Variants in PARN observed in about 807,000 individuals in gnomAD.
PARN encodes the protein poly(A)-specific ribonuclease PARN.
A neutral mutation model predicts 102.8 loss-of-function variants in PARN; 71 were observed. That is an observed-to-expected ratio of 0.69 (90% CI 0.57 to 0.84). The LOEUF is 0.84. Ranked by LOEUF, PARN falls within the 40% of genes least tolerant of loss-of-function variation. The pLI, the probability that PARN is intolerant of heterozygous loss-of-function variation, is 0.00. For missense variants in PARN, 782 were observed against 760.9 expected (o/e 1.03, Z -0.33); for synonymous variants, 261 against 252.9 (o/e 1.03, Z -0.30).
At chr16:14,591,700 T>A in intron 13 of PARN, among the ~76,000 whole-genome samples, 1 of 152,080 alleles carries the variant, frequency 6.6e-6, no homozygotes, top group East Asian at 1.9e-4. Context: ...CTGCCTGGAA[T>A]TTGCTAAACT....
At chr16:14,453,074 A>G (rs573848914) in intron 22 of PARN, among the ~76,000 whole-genome samples, 2 of 152,346 alleles carry the variant, frequency 1.3e-5, no homozygotes, top group African/African-American at 4.8e-5. Context: ...AGGCAAAACA[A>G]TCTCCCATTT....
intron 13 of PARN, among the ~76,000 whole-genome samples, chr16:14,589,137 A>G (rs1218044389): frequency 6.6e-6 from 1 of 151,752 alleles, no homozygotes; most frequent in Non-Finnish European, 1.5e-5. Flanking sequence ...TCAAGATCGC[A>G]CCACTGCACT....
chr16:14,536,612 T>C (rs1019079871), intron 21 of PARN, among the ~76,000 whole-genome samples: 5 of 152,190 alleles, frequency 3.3e-5, no homozygotes, highest in African/African-American at 1.2e-4. Context: ...ATATACACAA[T>C]TGAAAGGTAA....
At chr16:14,562,979 T>C (rs1183857666) in intron 18 of PARN, among the ~76,000 whole-genome samples, 2 of 152,184 alleles carry the variant, frequency 1.3e-5, no homozygotes, top group Admixed American at 1.3e-4. Flanking sequence ...ATTAAGTGGG[T>C]TGCAAAACAA....
At chr16:14,573,448 A>C (rs141434398) in intron 18 of PARN, among the ~76,000 whole-genome samples, 23 of 152,322 alleles carry the variant, frequency 1.5e-4, no homozygotes, top group Non-Finnish European at 3.2e-4. Flanking sequence ...TCCTTTGACC[A>C]ATATCTCCCC....
At chr16:14,585,962 G>A (rs950381249) in intron 14 of PARN, among the ~76,000 whole-genome samples, 62 of 148,902 alleles carry the variant, frequency 4.2e-4, no homozygotes, top group South Asian at 2.1e-4. Context: ...TATTTGTATT[G>A]TGTATGTCAC....
intron 21 of PARN, among the ~76,000 whole-genome samples, chr16:14,522,212 A>C (rs1249858961): frequency 1.3e-5 from 2 of 152,240 alleles, no homozygotes; most frequent in Non-Finnish European, 2.9e-5. Flanking sequence ...CTACAGAGAG[A>C]TCTTTAGCCA....
In PARN at chr16:14,435,941, C is replaced by CAG. The variant is rs1555475125; in HGVS notation, c.*775_*776insCT. 9.4e-3 allele frequency: 1,378 copies of CAG among 146,538 alleles called. 8 individuals carry two copies. The highest frequency in any genetic ancestry group is 0.028 in the Middle Eastern group (8 of 286). 9.1% of individuals were successfully genotyped at this position (146,538 alleles called of 1,614,324 possible). ...ACACACACACACACACACACACACA[C>CAG]ACAGACACGTACGCACACACGCTGC... is the stretch of plus-strand genomic sequence containing the variant. On this transcript the variant is annotated 3_prime_UTR_variant, in exon 24 of 24. Coordinates refer to ENST00000437198, the MANE Select transcript of PARN (RefSeq NM_002582.4).
chr16:14,582,139 C>A (rs181407243), intron 17 of PARN, 42 bp downstream of exon 17: 2 of 1,228,338 alleles, frequency 1.6e-6, no homozygotes, highest in East Asian at 2.3e-5. Context: ...AAGATCCACC[C>A]TAGATCACTG....
chr16:14,598,763 G>C (rs967336914), intron 12 of PARN, among the ~76,000 whole-genome samples: 20 of 152,164 alleles, frequency 1.3e-4, no homozygotes, highest in Non-Finnish European at 8.8e-5. Context: ...AGGACAGCAG[G>C]GGCCTTCCCT....
intron 22 of PARN, among the ~76,000 whole-genome samples, chr16:14,482,260 T>A (rs1963421771): frequency 6.6e-6 from 1 of 151,920 alleles, no homozygotes; most frequent in Non-Finnish European, 1.5e-5. Flanking sequence ...CCAGGTGTGG[T>A]GGTGCGTACC....
intron 22 of PARN, among the ~76,000 whole-genome samples, chr16:14,467,802 C>A (rs1348194676): frequency 6.6e-6 from 1 of 152,118 alleles, no homozygotes; most frequent in Non-Finnish European, 1.5e-5. Context: ...GTAAGCAAAG[C>A]AATTGAAAAC....
At chr16:14,577,216 A>G (rs1969198635) in intron 18 of PARN, among the ~76,000 whole-genome samples, 1 of 152,198 alleles carries the variant, frequency 6.6e-6, no homozygotes, top group Non-Finnish European at 1.5e-5. Flanking sequence ...AAAATCTTGC[A>G]TATTTTTCTA....
chr16:14,470,433 G>GGATGATGATGAT (rs150764987), intron 22 of PARN, among the ~76,000 whole-genome samples: 2,282 of 123,952 alleles, frequency 0.018, 29 homozygotes, highest in Middle Eastern at 0.031. Flanking sequence ...CTTAGAGTTT[G>GGATGATGATGAT]GATGATTATT....
chr16:14,580,853 T>G, intron 18 of PARN, 21 bp downstream of exon 18: 1 of 1,498,904 alleles, frequency 6.7e-7, no homozygotes, highest in Non-Finnish European at 9.3e-7. Context: ...ACTTGGAAAC[T>G]GGAACTCTCT....
rs557447691 is a variant in PARN, at chr16:14,486,200, C to CA, written c.1481-3374dup. 1.8e-4 allele frequency among the ~76,000 whole-genome samples: 27 copies of CA among 151,658 alleles called. No homozygotes were observed. In the South Asian group the frequency reaches 3.1e-3, roughly 18 times the overall value. On this transcript the variant is annotated intron_variant, in intron 21 of 23. Coordinates refer to ENST00000437198, the MANE Select transcript of PARN (RefSeq NM_002582.4). Reference sequence around the variant, plus strand: ...CAAAACCCCATTCTCCACACACACACAAAAAAAACCACAAAAATTAGCCAG... The same window carrying CA: ...CAAAACCCCATTCTCCACACACACACAAAAAAAAACCACAAAAATTAGCCAG...
rs759919613 is a variant in PARN at position 14,452,751 on chromosome 16, G to A, written c.1671-5670C>T. 1.6e-4 allele frequency among the ~76,000 whole-genome samples: 24 copies of A among 152,208 alleles called. No individual in the cohort carries two copies. In the South Asian group the frequency reaches 1.7e-3, roughly 10 times the overall value. On this transcript the variant is annotated intron_variant, in intron 22 of 23. Transcript: ENST00000437198. ...TGCCTGAGAAAGCTCTCAGATATAT[G>A]TGGAATTAGTTTATTTCATATAATG...
intron 22 of PARN, among the ~76,000 whole-genome samples, chr16:14,456,524 G>A (rs1490518727): frequency 6.6e-6 from 1 of 152,074 alleles, no homozygotes; most frequent in Non-Finnish European, 1.5e-5. Context: ...TGGCTGGAAC[G>A]TTCATGCGCT....
At position 14,446,105 on chromosome 16, in the gene PARN, G is replaced by A. The variant is rs185542815; in HGVS notation, c.1864+783C>T. Reference sequence around the variant, plus strand: ...CCTTGCTGGACCGCCCCCTGCAGCAGGGAATGGCCTTTTCCATGTGCTGAC... The same window carrying A: ...CCTTGCTGGACCGCCCCCTGCAGCAAGGAATGGCCTTTTCCATGTGCTGAC... On this transcript the variant is annotated intron_variant, in intron 23 of 23. Coordinates refer to ENST00000437198, the MANE Select transcript of PARN (RefSeq NM_002582.4). Among the ~76,000 whole-genome samples, 154 of 152,350 alleles carry A rather than the reference G, an allele frequency of 1.0e-3. 1 individual carries two copies. The highest frequency in any genetic ancestry group is 3.4e-3 in the African/African-American group (141 of 41,574).
Sources: gnomAD v4.1 joint callset for allele counts (sites outside exome capture counted in the v4.1 genomes callset) on GRCh38, gnomAD v4.1.1 for gene constraint, MANE v1.5 for transcripts, NCBI Gene and HGNC (gene_info 2026-07-23, HGNC 2026-07-21) for gene names.